The following IGF2BP1 variants were observed in gnomAD, a reference collection of about 807,000 sequenced individuals.
IGF2BP1 encodes the protein insulin-like growth factor 2 mRNA-binding protein 1.
A neutral mutation model predicts 74.9 loss-of-function variants in IGF2BP1; 11 were observed. That is an observed-to-expected ratio of 0.15 (90% CI 0.09 to 0.24). The LOEUF (loss-of-function observed/expected upper bound fraction) is 0.24, where lower values mean the gene tolerates loss of function less well. Ranked by LOEUF, IGF2BP1 falls within the 10% of genes least tolerant of loss-of-function variation. The pLI, the probability that IGF2BP1 is intolerant of heterozygous loss-of-function variation, is 1.00. For synonymous variants in IGF2BP1, 287 were observed against 281.8 expected (o/e 1.02, Z -0.18); for missense variants, 440 against 757.4 (o/e 0.58, Z 4.92).
At chr17:49,043,695 TGCTCCTAGCCACTG>T in intron 10 of IGF2BP1, 145 bp downstream of exon 10, 1 of 1,075,012 alleles carries the variant, frequency 9.3e-7, no homozygotes, top group East Asian at 2.6e-5. Flanking sequence ...TCCTCTCCAG[TGCTCCTAGCCACTG>T]GCTCTGAGGC....
At chr17:49,036,577 C>G (rs1338471360) in intron 5 of IGF2BP1, 5 of 152,166 alleles carry the variant, frequency 3.3e-5, no homozygotes, top group Non-Finnish European at 5.9e-5. Flanking sequence ...TCAATTGCTG[C>G]TTCAACACCC....
Position 49,024,525 on chromosome 17 carries a change from T to C in IGF2BP1, c.237-1093T>C, listed in dbSNP as rs143353989. The stretch of plus-strand genomic sequence containing the variant: ...GTATGTGTGTTAATCACTCCCACCT[T>C]AGTATTCACAGATACATCTATTGTT... On this transcript the variant is annotated intron_variant, in intron 2 of 14. Transcript: ENST00000290341. 2.6e-4 allele frequency among the ~76,000 whole-genome samples: 40 copies of C among 152,292 alleles called. 1 individual carries two copies. Among genetic ancestry groups the C allele is most frequent in the African/African-American group, 7.5e-4 (31 of 41,566 alleles).
At chr17:49,029,697 T>G (rs2041899871) in intron 4 of IGF2BP1, among the ~76,000 whole-genome samples, 1 of 152,176 alleles carries the variant, frequency 6.6e-6, no homozygotes, top group East Asian at 1.9e-4. Flanking sequence ...TGATCATAGC[T>G]CACTGCAGCC....
chr17:49,007,098 A>G (rs2143940869), intron 2 of IGF2BP1, among the ~76,000 whole-genome samples: 1 of 152,302 alleles, frequency 6.6e-6, no homozygotes, highest in Admixed American at 6.5e-5. Context: ...GTAAGAATTC[A>G]GGATGAAGGG....
intron 13 of IGF2BP1, 92 bp downstream of exon 13, chr17:49,046,113 T>A: frequency 6.6e-7 from 1 of 1,514,180 alleles, no homozygotes; most frequent in South Asian, 1.2e-5. Context: ...ACCTCAGGAC[T>A]CCTGATTTGC....
At chr17:49,028,561 C>T (rs1165729098) in intron 4 of IGF2BP1, among the ~76,000 whole-genome samples, 2 of 152,284 alleles carry the variant, frequency 1.3e-5, no homozygotes, top group East Asian at 1.9e-4. Context: ...TGAGCAGTGG[C>T]TTGGGAGCAA....
chr17:49,013,912 G>GA (rs2041656514), intron 2 of IGF2BP1: 1 of 152,372 alleles, frequency 6.6e-6, no homozygotes, highest in Admixed American at 6.5e-5. Flanking sequence ...TAGAACATTC[G>GA]AGACCGTGCG....
At chr17:48,999,819 C>A (rs993371909) in intron 2 of IGF2BP1, among the ~76,000 whole-genome samples, 1 of 151,804 alleles carries the variant, frequency 6.6e-6, no homozygotes, top group Non-Finnish European at 1.5e-5. Context: ...CCCCTACCCC[C>A]ACTCCTTCAG....
At chr17:49,042,164 T>A in intron 8 of IGF2BP1, 78 bp from the exon 9 acceptor site, 1 of 1,581,982 alleles carries the variant, frequency 6.3e-7, no homozygotes, top group Non-Finnish European at 8.6e-7. Flanking sequence ...GTGACTCAGC[T>A]GGCCTCTCGT....
chr17:49,009,228 C>T (rs1339388899), intron 2 of IGF2BP1, among the ~76,000 whole-genome samples: 1 of 151,936 alleles, frequency 6.6e-6, no homozygotes, highest in South Asian at 2.1e-4. Context: ...GGGGGTTTCA[C>T]CATGTTGGCC....
intron 2 of IGF2BP1, among the ~76,000 whole-genome samples, chr17:49,008,277 T>G (rs984520271): frequency 6.6e-6 from 1 of 151,968 alleles, no homozygotes; most frequent in African/African-American, 2.4e-5. Context: ...AAGGACTAGA[T>G]GTACTAGGAT....
At chr17:49,042,769 T>G (rs1212993787) in intron 9 of IGF2BP1, among the ~76,000 whole-genome samples, 2 of 152,124 alleles carry the variant, frequency 1.3e-5, no homozygotes, top group Admixed American at 1.3e-4. Flanking sequence ...CTTGACCCCC[T>G]GGGCTCAAGG....
chr17:49,021,292 A>G (rs1175120078), intron 2 of IGF2BP1, among the ~76,000 whole-genome samples: 1 of 152,152 alleles, frequency 6.6e-6, no homozygotes, highest in Non-Finnish European at 1.5e-5. Flanking sequence ...TCTCCCTCCC[A>G]GGGGCCCTGC....
intron 2 of IGF2BP1, among the ~76,000 whole-genome samples, chr17:49,024,817 GTTTA>G (rs1283087769): frequency 2.0e-5 from 3 of 152,186 alleles, no homozygotes; most frequent in Admixed American, 6.5e-5. Flanking sequence ...TGTCTCCTTT[GTTTA>G]TTTGTGTGTC....
intron 7 of IGF2BP1, among the ~76,000 whole-genome samples, chr17:49,040,533 G>A (rs1049066970): frequency 5.3e-5 from 8 of 152,124 alleles, no homozygotes; most frequent in Admixed American, 2.6e-4. Flanking sequence ...TATTCCTGTC[G>A]TATGACCTCC....
At position 49,053,385 on chromosome 17, in the gene IGF2BP1, G is replaced by A. The variant is rs1182759342; in HGVS notation, c.*3941G>A. On this transcript the variant is annotated 3_prime_UTR_variant, in exon 15 of 15. Transcript: ENST00000290341. ...GAGGAGGAAGGCCTCCTGGAAACTG[G>A]GAGCTAAGGGCGAGGCCCTTCCCTT... 6.5e-6 allele frequency: 1 copy of A among 152,716 alleles called. No individual in the cohort carries two copies. The highest frequency in any genetic ancestry group is 1.5e-5 in the Non-Finnish European group (1 of 68,110). The allele number at this position is 152,716 out of a possible 1,614,324, so 9.5% of individuals were successfully genotyped here.
intron 9 of IGF2BP1, 98 bp from the exon 10 acceptor site, chr17:49,043,330 C>A: frequency 7.2e-7 from 1 of 1,396,008 alleles, no homozygotes; most frequent in Non-Finnish European, 9.9e-7. Flanking sequence ...GTTTTTGGCC[C>A]ACTTGCCTCT....
intron 2 of IGF2BP1, chr17:49,014,103 T>C (rs2143981021): frequency 6.6e-6 from 1 of 151,864 alleles, no homozygotes; most frequent in African/African-American, 2.4e-5. Flanking sequence ...AGCTGCGCCG[T>C]CTCAGTTCTC....
Position 49,035,020 on chromosome 17 carries a change from C to T in IGF2BP1, c.401+3047C>T, listed in dbSNP as rs575403543. ...GAAGAACAAGGAAGAATTAAACTCC[C>T]GAATTTTAAAACTTACATCAAACTA... On this transcript the variant is annotated intron_variant, in intron 5 of 14. Transcript: ENST00000290341. 2.0e-5 allele frequency among the ~76,000 whole-genome samples: 3 copies of T among 152,258 alleles called. No homozygotes were observed. In the East Asian group the frequency reaches 5.8e-4, roughly 29 times the overall value.
Sources: gnomAD v4.1 joint callset for allele counts (sites outside exome capture counted in the v4.1 genomes callset) on GRCh38, gnomAD v4.1.1 for gene constraint, MANE v1.5 for transcripts, NCBI Gene and HGNC (gene_info 2026-07-23, HGNC 2026-07-21) for gene names.